LASP1: variants seen among roughly 807,000 people sequenced by gnomAD.
LASP1 encodes LIM and SH3 domain protein 1.
In LASP1, 10 loss-of-function variants were observed where a neutral mutation model predicts 38.6. The observed-to-expected ratio is 0.26, with a 90% CI of 0.16 to 0.44. The LOEUF (loss-of-function observed/expected upper bound fraction) is 0.44. Ranked by LOEUF, LASP1 falls within the 20% of genes least tolerant of loss-of-function variation. The probability of loss-of-function intolerance (pLI) is 1.00; values close to 1 mark genes in which losing one functional copy is unlikely to be tolerated. For synonymous variants in LASP1, 132 were observed against 140.8 expected (o/e 0.94, Z 0.44); for missense variants, 243 against 375.7 (o/e 0.65, Z 2.92).
intron 2 of LASP1, among the ~76,000 whole-genome samples, chr17:38,881,784 A>G (rs536847454): frequency 6.6e-6 from 1 of 152,204 alleles, no homozygotes; most frequent in South Asian, 2.1e-4. Flanking sequence ...GGAGGCCTCT[A>G]TGTTCTGCCT....
At chr17:38,898,716 A>AT in intron 4 of LASP1, 197 bp downstream of exon 4, 1 of 652,618 alleles carries the variant, frequency 1.5e-6, no homozygotes, top group Non-Finnish European at 2.8e-6. Context: ...ACCAGCACGC[A>AT]TAGCATTTTC....
At chr17:38,884,906 G>T (rs1351040666) in intron 2 of LASP1, among the ~76,000 whole-genome samples, 1 of 152,072 alleles carries the variant, frequency 6.6e-6, no homozygotes, top group African/African-American at 2.4e-5. Context: ...GGCCAGACTG[G>T]TCTTGAACTC....
rs374020292 is a variant in LASP1 at position 38,918,864 on chromosome 17, GT to G, written c.*92del. ...GACCCGTCCATTCTTCAGTGTCTCTGTTTTTTAAAACCTGCGACAGCTTGTG... is the reference window on the plus strand; with the variant it reads ...GACCCGTCCATTCTTCAGTGTCTCTGTTTTTAAAACCTGCGACAGCTTGTG... On this transcript the variant is annotated 3_prime_UTR_variant, in exon 7 of 7. Transcript: ENST00000318008. This position sits in a 1 kb window ranked among gnomAD's most constrained non-coding sequence, Gnocchi z 4.4. 8.2e-6 allele frequency: 12 copies of G among 1,468,230 alleles called. No individual in the cohort carries two copies. The highest frequency in any genetic ancestry group is 1.8e-4 in the Middle Eastern group (1 of 5,672). The allele number at this position is 1,468,230 out of a possible 1,614,324, so 91.0% of individuals were successfully genotyped here.
chr17:38,903,560 A>C (rs901466867), intron 4 of LASP1: 5 of 152,102 alleles, frequency 3.3e-5, no homozygotes, highest in African/African-American at 7.2e-5. Context: ...GGGTCTTGCT[A>C]TGCTGCCCAG....
intron 2 of LASP1, among the ~76,000 whole-genome samples, chr17:38,881,642 T>A (rs1430466561): frequency 6.6e-6 from 1 of 152,212 alleles, no homozygotes; most frequent in African/African-American, 2.4e-5. Context: ...CAGGCCTGGC[T>A]TCCTTCTCTG....
intron 3 of LASP1, among the ~76,000 whole-genome samples, chr17:38,896,407 A>G (rs1216705203): frequency 6.6e-6 from 1 of 151,930 alleles, no homozygotes; most frequent in Non-Finnish European, 1.5e-5. Flanking sequence ...CTCAGCCCCT[A>G]CCCCTCACCC....
chr17:38,885,469 A>G (rs1914092556), intron 2 of LASP1, among the ~76,000 whole-genome samples: 1 of 152,200 alleles, frequency 6.6e-6, no homozygotes, highest in East Asian at 1.9e-4. Flanking sequence ...TTCCTGTCCT[A>G]CATGCCTCTC....
chr17:38,883,185 G>T (rs963368234), intron 2 of LASP1, among the ~76,000 whole-genome samples: 3 of 152,014 alleles, frequency 2.0e-5, no homozygotes, highest in Non-Finnish European at 2.9e-5. Flanking sequence ...ATCGCTTGAG[G>T]CCAGGAGTTC....
At chr17:38,880,174 T>A (rs71367798) in intron 2 of LASP1, among the ~76,000 whole-genome samples, 1 of 152,210 alleles carries the variant, frequency 6.6e-6, no homozygotes, top group Non-Finnish European at 1.5e-5. Context: ...TCAGGCTAGA[T>A]TCTGAGCCTC....
At chr17:38,886,235 T>G (rs933686114) in intron 2 of LASP1, among the ~76,000 whole-genome samples, 1 of 150,790 alleles carries the variant, frequency 6.6e-6, no homozygotes, top group African/African-American at 2.5e-5. Flanking sequence ...CATGGAAACC[T>G]GAAGCGTAGT....
rs1325498288 is a variant in LASP1 at position 38,918,503 on chromosome 17, TC to T, written c.613-97del. On this transcript the variant is annotated intron_variant, in intron 6 of 6. Transcript: ENST00000318008. This position sits in a 1 kb window ranked among gnomAD's most constrained non-coding sequence, Gnocchi z 4.4. ...GGTGCTCCATTTCTGAGTTCACTGC[TC>T]CCCCAGGCTCTGCTCCAGGGTCGTG... 3 of 1,154,736 alleles carry T rather than the reference TC, an allele frequency of 2.6e-6. No homozygotes were observed. Among genetic ancestry groups the T allele is most frequent in the African/African-American group, 3.1e-5 (2 of 64,602 alleles). 71.5% of individuals were successfully genotyped at this position (1,154,736 alleles called of 1,614,324 possible). A position where few individuals can be genotyped will look rare whatever the true frequency, so the allele number is the denominator to read the frequency against.
intron 2 of LASP1, among the ~76,000 whole-genome samples, chr17:38,885,452 C>G (rs931455798): frequency 3.3e-5 from 5 of 152,214 alleles, no homozygotes; most frequent in Admixed American, 3.3e-4. Context: ...TGTTCCTGCC[C>G]CGCTTCTTCC....
At chr17:38,892,551 G>GACAC (rs530593526) in intron 3 of LASP1, among the ~76,000 whole-genome samples, 13,304 of 143,726 alleles carry the variant, frequency 0.093, 710 homozygotes, top group African/African-American at 0.12. Context: ...GGTCTTTGGA[G>GACAC]ACACACACAC....
rs548540443 is a variant in LASP1, at chr17:38,908,692, C to G, written c.358-5633C>G. On this transcript the variant is annotated intron_variant, in intron 4 of 6. Transcript: ENST00000318008. ...CTCTGCGTCCAGACTGGACTCCCCCCAGACTCTGTCCAGGCCCTTACCACT... is the reference window on the plus strand; with the variant it reads ...CTCTGCGTCCAGACTGGACTCCCCCGAGACTCTGTCCAGGCCCTTACCACT... Among the ~76,000 whole-genome samples the G allele has an allele frequency of 2.0e-5, 3 of 152,358 alleles. No individual in the cohort carries two copies. In the East Asian group the frequency reaches 5.8e-4, roughly 29 times the overall value.
At chr17:38,900,039 TC>T (rs1385681942) in intron 4 of LASP1, among the ~76,000 whole-genome samples, 4 of 151,680 alleles carry the variant, frequency 2.6e-5, no homozygotes, top group South Asian at 2.1e-4. Context: ...CACATTCAGA[TC>T]TTTTCTAAAG....
chr17:38,897,085 T>C, intron 3 of LASP1: 1 of 985,626 alleles, frequency 1.0e-6, no homozygotes, highest in African/African-American at 1.7e-5. Flanking sequence ...GGTTCTGGAC[T>C]CTTGGGGTGG....
intron 2 of LASP1, among the ~76,000 whole-genome samples, chr17:38,888,398 C>T (rs1914209243): frequency 6.6e-6 from 1 of 152,094 alleles, no homozygotes; most frequent in South Asian, 2.1e-4. Context: ...CTGCCTCAGC[C>T]TCCTGAGTAG....
At chr17:38,895,243 C>T (rs1042674780) in intron 3 of LASP1, among the ~76,000 whole-genome samples, 1 of 151,242 alleles carries the variant, frequency 6.6e-6, no homozygotes, top group East Asian at 1.9e-4. Flanking sequence ...CTCCTGGGCT[C>T]GAGTGATCCA....
chr17:38,887,803 C>T (rs939946306), intron 2 of LASP1, among the ~76,000 whole-genome samples: 1 of 152,212 alleles, frequency 6.6e-6, no homozygotes, highest in African/African-American at 2.4e-5. Flanking sequence ...AATCCTGAGC[C>T]CTGCCCTTCA....
Sources: gnomAD v4.1 joint callset for allele counts (sites outside exome capture counted in the v4.1 genomes callset) on GRCh38, gnomAD v4.1.1 for gene constraint, Gnocchi (gnomAD v3.1) non-coding constraint, MANE v1.5 for transcripts, NCBI Gene and HGNC (gene_info 2026-07-23, HGNC 2026-07-21) for gene names.